Variants in ATL2 observed in about 807,000 individuals in gnomAD.
ATL2 encodes the protein atlastin GTPase 2.
ATL2 carries 31 observed loss-of-function variants against 73.9 expected under a neutral mutation model. The ratio of observed to expected loss-of-function variants is 0.42; its 90% CI spans 0.32 to 0.57. ATL2 has a LOEUF of 0.57. Ranked by LOEUF, ATL2 falls within the 20% of genes least tolerant of loss-of-function variation. The pLI is 0.14. For missense variants in ATL2, 738 were observed against 702.6 expected (o/e 1.05, Z -0.57); for synonymous variants, 291 against 237.5 (o/e 1.23, Z -2.07).
intron 1 of ATL2, among the ~76,000 whole-genome samples, chr2:38,346,680 G>GA: frequency 6.6e-6 from 1 of 152,304 alleles, no homozygotes; most frequent in South Asian, 2.1e-4. Flanking sequence ...GCTCCTATGA[G>GA]AATCTGATGT....
intron 1 of ATL2, among the ~76,000 whole-genome samples, chr2:38,351,563 G>A (rs550216156): frequency 4.7e-4 from 70 of 150,456 alleles, no homozygotes; most frequent in African/African-American, 1.6e-3. Flanking sequence ...GCACGATCTC[G>A]GCTCACTACA....
At chr2:38,364,773 A>G (rs994780974) in intron 1 of ATL2, among the ~76,000 whole-genome samples, 106 of 152,216 alleles carry the variant, frequency 7.0e-4, no homozygotes, top group South Asian at 2.1e-4. Flanking sequence ...GGCTAGGCAC[A>G]GTGGCTTGCG....
chr2:38,349,998 A>C (rs970361224), intron 1 of ATL2, among the ~76,000 whole-genome samples: 6 of 152,220 alleles, frequency 3.9e-5, no homozygotes, highest in African/African-American at 1.2e-4. Flanking sequence ...GTACTCCATC[A>C]AACACTGATA....
At chr2:38,312,226 G>A (rs1018748151) in intron 7 of ATL2, among the ~76,000 whole-genome samples, 10 of 152,124 alleles carry the variant, frequency 6.6e-5, no homozygotes, top group Admixed American at 4.6e-4. Flanking sequence ...TTGGCTCTAT[G>A]TCCCCACCCA....
At chr2:38,325,095 C>A (rs549344958) in intron 2 of ATL2, among the ~76,000 whole-genome samples, 2 of 152,174 alleles carry the variant, frequency 1.3e-5, no homozygotes, top group Non-Finnish European at 2.9e-5. Flanking sequence ...GCTAACAAAA[C>A]GGAAGGGGCA....
chr2:38,349,837 C>T (rs1443568482), intron 1 of ATL2, among the ~76,000 whole-genome samples: 1 of 152,082 alleles, frequency 6.6e-6, no homozygotes, highest in African/African-American at 2.4e-5. Flanking sequence ...ACATATTTGT[C>T]ACCATATCTA....
At chr2:38,353,292 G>A (rs1342438905) in intron 1 of ATL2, among the ~76,000 whole-genome samples, 1 of 152,070 alleles carries the variant, frequency 6.6e-6, no homozygotes, top group Non-Finnish European at 1.5e-5. Flanking sequence ...TTCTAGAACT[G>A]ACAAGTACAG....
chr2:38,327,540 C>CA lies in ATL2; in HGVS notation c.364-8522dup, dbSNP rs56332855. ...AGGGGAATATAAAAAAAAAAAAGTA[C>CA]AAAAAAAAAAAAAAAACACCAGAAA... On this transcript the variant is annotated intron_variant, in intron 2 of 12. Coordinates refer to ENST00000378954, the MANE Select transcript of ATL2 (RefSeq NM_001135673.4). Among the ~76,000 whole-genome samples the CA allele has an allele frequency of 8.0e-3, 716 of 89,928 alleles. 3 individuals carry two copies. The highest frequency in any genetic ancestry group is 0.026 in the South Asian group (79 of 2,982). 59.0% of individuals were successfully genotyped at this position (89,928 alleles called of 152,430 possible). A position where few individuals can be genotyped will look rare whatever the true frequency, so the allele number is the denominator to read the frequency against.
intron 1 of ATL2, among the ~76,000 whole-genome samples, chr2:38,362,802 A>C (rs186313717): frequency 1.2e-3 from 187 of 152,354 alleles, no homozygotes; most frequent in African/African-American, 4.2e-3. Flanking sequence ...GCTAGTGTTA[A>C]GTGCTACAGA....
chr2:38,302,883 T>C (rs753729846), intron 9 of ATL2, among the ~76,000 whole-genome samples: 28 of 152,090 alleles, frequency 1.8e-4, no homozygotes, highest in Non-Finnish European at 3.7e-4. Context: ...GCAAAGACTA[T>C]AACAAATACC....
intron 9 of ATL2, among the ~76,000 whole-genome samples, chr2:38,305,335 G>A (rs886669473): frequency 9.9e-5 from 15 of 152,154 alleles, no homozygotes; most frequent in African/African-American, 3.1e-4. Flanking sequence ...ACCACTTGAC[G>A]TCAGGAGTTT....
At chr2:38,341,645 A>G (rs1669726342) in intron 2 of ATL2, among the ~76,000 whole-genome samples, 1 of 152,192 alleles carries the variant, frequency 6.6e-6, no homozygotes, top group Non-Finnish European at 1.5e-5. Flanking sequence ...ACAGAGTGAG[A>G]TCACGTCTCA....
intron 12 of ATL2, chr2:38,296,674 T>C (rs918646374): frequency 1.9e-6 from 3 of 1,569,438 alleles, no homozygotes; most frequent in Non-Finnish European, 2.6e-6. Context: ...TTTGAGACTG[T>C]AGGTTTCTCA....
rs1230245739 is a variant in ATL2 at position 38,313,959 on chromosome 2, A to G, written c.711+649T>C. Among the ~76,000 whole-genome samples, 5 of 152,222 alleles carry G rather than the reference A, an allele frequency of 3.3e-5. No homozygotes were observed. The East Asian group carries it at 9.6e-4, about 29-fold the overall frequency. On this transcript the variant is annotated intron_variant, in intron 6 of 12. Transcript: ENST00000378954. ...CACCTATATATCCAAAAACGAAGGC[A>G]TCATCTGCTCAACTACTTAATAAAA... is the stretch of plus-strand genomic sequence containing the variant.
intron 1 of ATL2, among the ~76,000 whole-genome samples, chr2:38,370,545 C>T (rs930483693): frequency 4.7e-5 from 7 of 148,836 alleles, no homozygotes; most frequent in Middle Eastern, 3.6e-3. Flanking sequence ...CCAAGGCGGG[C>T]GGATCACTTG....
At chr2:38,319,180 C>T (rs759927954) in intron 2 of ATL2, among the ~76,000 whole-genome samples, 161 bp from the exon 3 acceptor site, 1 of 152,174 alleles carries the variant, frequency 6.6e-6, no homozygotes, top group Non-Finnish European at 1.5e-5. Flanking sequence ...CCTTAAATCC[C>T]ATGTGGGGTT....
chr2:38,326,533 A>G (rs1195627071), intron 2 of ATL2, among the ~76,000 whole-genome samples: 1 of 152,252 alleles, frequency 6.6e-6, no homozygotes, highest in Non-Finnish European at 1.5e-5. Context: ...GGAAGAGGAC[A>G]GAACACCAAG....
chr2:38,323,436 T>A (rs1268682348), intron 2 of ATL2, among the ~76,000 whole-genome samples: 1 of 125,608 alleles, frequency 8.0e-6, no homozygotes, highest in Non-Finnish European at 1.6e-5. Flanking sequence ...GCTCAAGCAA[T>A]CCTCCCACCT....
chr2:38,354,037 C>A, intron 1 of ATL2: 2 of 292,700 alleles, frequency 6.8e-6, no homozygotes, highest in South Asian at 2.5e-5. Context: ...TATGAAAATA[C>A]AAAAAATTAG....
Sources: gnomAD v4.1 joint callset for allele counts (sites outside exome capture counted in the v4.1 genomes callset) on GRCh38, gnomAD v4.1.1 for gene constraint, MANE v1.5 for transcripts, NCBI Gene and HGNC (gene_info 2026-07-23, HGNC 2026-07-21) for gene names.